DPYS: variants seen among roughly 807,000 people sequenced by gnomAD.
DPYS encodes dihydropyrimidinase.
A neutral mutation model predicts 50.3 loss-of-function variants in DPYS; 39 were observed. That is an observed-to-expected ratio of 0.78 (90% CI 0.60 to 1.01). DPYS has a LOEUF of 1.01. Ranked by LOEUF, DPYS falls within the 50% of genes least tolerant of loss-of-function variation. DPYS has a pLI of 0.00. For synonymous variants in DPYS, 245 were observed against 250.7 expected (o/e 0.98, Z 0.22); for missense variants, 659 against 680.9 (o/e 0.97, Z 0.36).
At chr8:104,422,576 C>T (rs1332200789) in intron 7 of DPYS, among the ~76,000 whole-genome samples, 5 of 152,104 alleles carry the variant, frequency 3.3e-5, no homozygotes, top group African/African-American at 4.8e-5. Context: ...TTTTAAAAAC[C>T]CACGAGAGCT....
chr8:104,382,215 C>G (rs1272971782), intron 8 of DPYS, among the ~76,000 whole-genome samples: 2 of 152,144 alleles, frequency 1.3e-5, no homozygotes, highest in Admixed American at 6.5e-5. Context: ...AGAACAAGGC[C>G]CACAGCTCCT....
At chr8:104,439,503 C>T (rs187796766) in intron 4 of DPYS, among the ~76,000 whole-genome samples, 1 of 152,180 alleles carries the variant, frequency 6.6e-6, no homozygotes, top group Admixed American at 6.5e-5. Context: ...CCAAAGCCAG[C>T]GGGTCGTGGT....
Position 104,392,987 on chromosome 8 carries a change from T to G in DPYS, c.1240A>C (p.Ile414Leu). 6.2e-7 allele frequency: 1 copy of G among 1,614,126 alleles called. No homozygotes were observed. Among genetic ancestry groups the G allele is most frequent in the Non-Finnish European group, 8.5e-7 (1 of 1,179,976 alleles). The change falls in exon 8 of 10, where the codon ATC becomes CTC. Residue 414 changes from isoleucine (I) to leucine (L), a missense_variant. Coordinates refer to ENST00000351513, the MANE Select transcript of DPYS (RefSeq NM_001385.3). ...GCCTGATGATGAGTTTTTGCTGAGA[T>G]AGTCCTATATTTGTGAAAACAACAA... ...VIWDPKGTRT[I>L]SAKTHHQAVN...
At chr8:104,435,801 A>T (rs1045785011) in intron 4 of DPYS, among the ~76,000 whole-genome samples, 1 of 152,116 alleles carries the variant, frequency 6.6e-6, no homozygotes, top group Non-Finnish European at 1.5e-5. Flanking sequence ...AGACAGACAA[A>T]AGGGAAAGAA....
chr8:104,456,266 TC>T (rs1813922232), intron 1 of DPYS, among the ~76,000 whole-genome samples: 1 of 152,166 alleles, frequency 6.6e-6, no homozygotes, highest in Non-Finnish European at 1.5e-5. Flanking sequence ...CAGAATGTAT[TC>T]CTGCTATTAA....
intron 1 of DPYS, among the ~76,000 whole-genome samples, chr8:104,455,289 G>T (rs1255357843): frequency 6.6e-6 from 1 of 152,212 alleles, no homozygotes; most frequent in Admixed American, 6.5e-5. Flanking sequence ...GACGCTCTGA[G>T]GAAGAAGATC....
intron 1 of DPYS, among the ~76,000 whole-genome samples, chr8:104,459,947 G>A (rs992234094): frequency 2.6e-5 from 4 of 151,994 alleles, no homozygotes; most frequent in South Asian, 4.2e-4. Flanking sequence ...TGCCTGCTCC[G>A]CCTTCCCTTG....
intron 4 of DPYS, among the ~76,000 whole-genome samples, chr8:104,435,777 A>C (rs1194151606): frequency 6.6e-6 from 1 of 152,136 alleles, no homozygotes; most frequent in Non-Finnish European, 1.5e-5. Context: ...CAGTTCACAA[A>C]AAAATCCTGG....
At chr8:104,443,547 G>C (rs1269730752) in intron 4 of DPYS, among the ~76,000 whole-genome samples, 1 of 152,202 alleles carries the variant, frequency 6.6e-6, no homozygotes, top group African/African-American at 2.4e-5. Flanking sequence ...CCTGATTCAG[G>C]TAGTGGGAAG....
At chr8:104,435,394 G>C (rs149503301) in intron 4 of DPYS, among the ~76,000 whole-genome samples, 1 of 151,988 alleles carries the variant, frequency 6.6e-6, no homozygotes, top group African/African-American at 2.4e-5. Context: ...GAGAAATGCC[G>C]GATTCCCTTG....
At chr8:104,428,190 C>A in intron 5 of DPYS, 69 bp from the exon 6 acceptor site, 2 of 1,595,944 alleles carry the variant, frequency 1.3e-6, no homozygotes, top group South Asian at 1.1e-5. Flanking sequence ...ACTGCCATAA[C>A]CTTTCCTAAT....
At chr8:104,429,808 T>C in intron 4 of DPYS, 107 bp from the exon 5 acceptor site, 1 of 1,401,014 alleles carries the variant, frequency 7.1e-7, no homozygotes. Flanking sequence ...GGGTAATATC[T>C]ACAGTTTAGC....
intron 8 of DPYS, among the ~76,000 whole-genome samples, chr8:104,381,743 G>T (rs1371783538): frequency 6.6e-6 from 1 of 152,112 alleles, no homozygotes; most frequent in Admixed American, 6.5e-5. Flanking sequence ...TCCTGTCTCT[G>T]TGCATTATGG....
intron 7 of DPYS, among the ~76,000 whole-genome samples, chr8:104,399,221 G>T (rs900241079): frequency 6.6e-6 from 1 of 150,744 alleles, no homozygotes; most frequent in Admixed American, 6.6e-5. Context: ...AACCTGGGGG[G>T]TGGAGGTTGC....
chr8:104,463,392 G>C (rs1814238688), intron 1 of DPYS, among the ~76,000 whole-genome samples: 1 of 152,188 alleles, frequency 6.6e-6, no homozygotes, highest in South Asian at 2.1e-4. Context: ...TTTGAGAAAA[G>C]ATGCCTCGCA....
chr8:104,434,926 A>G (rs1405961400), intron 4 of DPYS, among the ~76,000 whole-genome samples: 1 of 152,250 alleles, frequency 6.6e-6, no homozygotes, highest in Middle Eastern at 3.2e-3. Flanking sequence ...AAAGCAGTGC[A>G]TTGACAATTT....
At chr8:104,453,274 T>A (rs1156891480) in intron 1 of DPYS, among the ~76,000 whole-genome samples, 1 of 152,228 alleles carries the variant, frequency 6.6e-6, no homozygotes, top group Non-Finnish European at 1.5e-5. Context: ...ACAATACATA[T>A]TTGCATTTCT....
In DPYS at chr8:104,447,438, G is replaced by A. The variant is rs1442791817; in HGVS notation, c.489C>T (p.Ala163=). The A allele has an allele frequency of 2.5e-6, 4 of 1,613,768 alleles. No individual in the cohort carries two copies. The highest frequency in any genetic ancestry group is 2.5e-6 in the Non-Finnish European group (3 of 1,179,986). The part of the protein sequence containing the change: ...KGVNSFKMFM[A]YKDLYMVTDL... ...CTGTCACCATGTACAGATCTTTATA[G>A]GCCATAAACATCTTGAAAGAGTTAA... The change falls in exon 3 of 10, where the codon GCC becomes GCT. Residue 163 remains alanine (A), a synonymous_variant. Coordinates refer to ENST00000351513, the MANE Select transcript of DPYS (RefSeq NM_001385.3).
intron 4 of DPYS, among the ~76,000 whole-genome samples, chr8:104,432,218 C>G (rs139643872): frequency 6.6e-6 from 1 of 152,196 alleles, no homozygotes; most frequent in African/African-American, 2.4e-5. Flanking sequence ...TGGCTCAAAC[C>G]CAAACAAACA....
Sources: allele counts gnomAD v4.1 joint callset (sites outside exome capture counted in the v4.1 genomes callset), GRCh38; gene constraint gnomAD v4.1.1; transcripts MANE v1.5; gene names NCBI Gene and HGNC (gene_info 2026-07-23, HGNC 2026-07-21).